The following DISP1 variants were observed in gnomAD, a reference collection of about 807,000 sequenced individuals.
The protein encoded by DISP1 is protein dispatched homolog 1.
In DISP1, 30 loss-of-function variants were observed where a neutral mutation model predicts 37.3. The ratio of observed to expected loss-of-function variants is 0.80; its 90% confidence interval spans 0.60 to 1.09. The LOEUF (loss-of-function observed/expected upper bound fraction) is 1.09. Among genes scored for constraint, DISP1 ranks in the 50% least tolerant of loss-of-function variants. The probability of loss-of-function intolerance (pLI) is 0.00; values close to 1 mark genes in which losing one functional copy is unlikely to be tolerated. For synonymous variants in DISP1, 634 were observed against 690.2 expected, an observed-to-expected ratio of 0.92 and a Z score of 1.28; for missense variants, 1,598 against 1,879.5, an observed-to-expected ratio of 0.85 and a Z score of 2.77.
At chr1:222,987,713 G>A (rs1678380404) in intron 4 of DISP1, among the ~76,000 whole-genome samples, 1 of 152,106 alleles carries the variant, frequency 6.6e-6, no homozygotes, top group Non-Finnish European at 1.5e-5. Context: ...AGCAATTTGG[G>A]GCCTACTGCC....
At chr1:222,911,911 A>G (rs1220806239) in intron 1 of DISP1, among the ~76,000 whole-genome samples, 3 of 152,228 alleles carry the variant, frequency 2.0e-5, no homozygotes, top group Non-Finnish European at 4.4e-5. Flanking sequence ...CATCAGCATG[A>G]AAACCAAATC....
At chr1:222,977,223 G>T (rs1277141263) in intron 3 of DISP1, among the ~76,000 whole-genome samples, 1 of 151,680 alleles carries the variant, frequency 6.6e-6, no homozygotes, top group Non-Finnish European at 1.5e-5. Context: ...TAGCAGAGAT[G>T]GGGTTTCTCC....
At chr1:222,872,880 A>G (rs1472851942) in intron 1 of DISP1, among the ~76,000 whole-genome samples, 4 of 152,098 alleles carry the variant, frequency 2.6e-5, no homozygotes, top group Non-Finnish European at 5.9e-5. Context: ...TGTCTATTTT[A>G]GATCTTTCCT....
At chr1:222,911,846 T>C (rs998389891) in intron 1 of DISP1, among the ~76,000 whole-genome samples, 1 of 152,162 alleles carries the variant, frequency 6.6e-6, no homozygotes, top group Non-Finnish European at 1.5e-5. Context: ...TGTTTTCATG[T>C]CAAACTTGTA....
At chr1:222,944,610 A>G (rs1674630375) in intron 3 of DISP1, among the ~76,000 whole-genome samples, 2 of 152,202 alleles carry the variant, frequency 1.3e-5, no homozygotes, top group African/African-American at 4.8e-5. Context: ...TCACCCCAGA[A>G]GGTAAGTTCC....
At chr1:222,840,264 C>T (rs552318868) in intron 1 of DISP1, among the ~76,000 whole-genome samples, 1 of 152,092 alleles carries the variant, frequency 6.6e-6, no homozygotes, top group African/African-American at 2.4e-5. Flanking sequence ...GTTTTTTAGA[C>T]CGAGTCTCAC....
chr1:222,882,313 A>G (rs1670327560), intron 1 of DISP1, among the ~76,000 whole-genome samples: 1 of 152,148 alleles, frequency 6.6e-6, no homozygotes, highest in African/African-American at 2.4e-5. Context: ...CAGCCTCTCA[A>G]ATTAATTCCT....
chr1:222,964,296 T>TAAAAA, intron 3 of DISP1, among the ~76,000 whole-genome samples: 1 of 9,894 alleles, frequency 1.0e-4, no homozygotes, highest in East Asian at 3.0e-3. Context: ...AGACTCTATC[T>TAAAAA]CAAAAAAAAA....
chr1:223,003,351 C>T lies in DISP1; in HGVS notation c.1954C>T (p.Leu652Phe), dbSNP rs746828233. Reference sequence around the variant, plus strand: ...GAATTACGTTTTGATGGTCACATGGCTTCCAGCAGTTGTTGTGCTGCATGA... The same window carrying T: ...GAATTACGTTTTGATGGTCACATGGTTTCCAGCAGTTGTTGTGCTGCATGA... ...LVNYVLMVTWLPAVVVLHERY... is the reference protein window; with the variant it reads ...LVNYVLMVTWFPAVVVLHERY... Residue 652 changes from leucine (L) to phenylalanine (F), a missense_variant, in exon 9 of 9, where the codon CTT becomes TTT. Transcript: ENST00000675850. The surrounding 1 kb of genome is among the most constrained non-coding windows in gnomAD (Gnocchi z 4.3). 7.4e-6 allele frequency: 12 copies of T among 1,613,988 alleles called. No homozygotes were observed. In the Admixed American group the frequency reaches 1.3e-4, roughly 18 times the overall value.
intron 1 of DISP1, among the ~76,000 whole-genome samples, chr1:222,901,814 A>G (rs1004771063): frequency 2.0e-5 from 3 of 152,240 alleles, no homozygotes; most frequent in African/African-American, 7.2e-5. Flanking sequence ...GGTGTGAGCC[A>G]CTGTCCAATA....
intron 1 of DISP1, among the ~76,000 whole-genome samples, chr1:222,922,621 A>G (rs1272506076): frequency 2.6e-5 from 4 of 152,162 alleles, no homozygotes; most frequent in Non-Finnish European, 5.9e-5. Flanking sequence ...TTGTTTGAGG[A>G]TGATAAGATC....
chr1:222,836,517 C>CTG (rs1434965713), intron 1 of DISP1, among the ~76,000 whole-genome samples: 1 of 152,046 alleles, frequency 6.6e-6, no homozygotes. Flanking sequence ...AAATCAGGAA[C>CTG]CCAGGGTCTG....
intron 3 of DISP1, among the ~76,000 whole-genome samples, chr1:222,963,731 C>CT (rs1440530061): frequency 6.6e-6 from 1 of 151,500 alleles, no homozygotes; most frequent in African/African-American, 2.4e-5. Flanking sequence ...CACATGGACA[C>CT]TGGGGGGGAA....
At chr1:222,931,173 GTGAT>G (rs1234862536) in intron 2 of DISP1, among the ~76,000 whole-genome samples, 1 of 151,974 alleles carries the variant, frequency 6.6e-6, no homozygotes, top group East Asian at 1.9e-4. Flanking sequence ...GTGCTTTATG[GTGAT>G]TGATCTCAGT....
chr1:222,977,488 A>G (rs1677449955), intron 3 of DISP1, among the ~76,000 whole-genome samples: 1 of 149,872 alleles, frequency 6.7e-6, no homozygotes, highest in Non-Finnish European at 1.5e-5. Flanking sequence ...ATTACTTGTC[A>G]CTATATTTTT....
intron 1 of DISP1, among the ~76,000 whole-genome samples, chr1:222,872,704 G>A (rs545512880): frequency 1.3e-5 from 2 of 152,098 alleles, no homozygotes; most frequent in East Asian, 3.9e-4. Flanking sequence ...TATCAATTTT[G>A]TTGATCTTTT....
At chr1:222,876,959 G>A (rs1670004517) in intron 1 of DISP1, among the ~76,000 whole-genome samples, 1 of 152,150 alleles carries the variant, frequency 6.6e-6, no homozygotes, top group South Asian at 2.1e-4. Context: ...TTTATCTTAT[G>A]TTTGAAATAT....
intron 3 of DISP1, among the ~76,000 whole-genome samples, chr1:222,977,365 AG>A (rs1677436522): frequency 6.9e-6 from 1 of 144,076 alleles, no homozygotes; most frequent in East Asian, 2.0e-4. Context: ...TTTTTTTCAA[AG>A]AGGGCTGACA....
chr1:222,979,393 C>A (rs949951111), intron 3 of DISP1, among the ~76,000 whole-genome samples: 1 of 151,574 alleles, frequency 6.6e-6, no homozygotes, highest in African/African-American at 2.4e-5. Flanking sequence ...GGTGACAGAG[C>A]AAGACCTTGT....
Sources: allele counts gnomAD v4.1 joint callset (sites outside exome capture counted in the v4.1 genomes callset), GRCh38; gene constraint gnomAD v4.1.1; non-coding constraint Gnocchi (gnomAD v3.1); transcripts MANE v1.5; gene names NCBI Gene and HGNC (gene_info 2026-07-23, HGNC 2026-07-21).